The following LYST variants were observed in gnomAD, a reference collection of about 807,000 sequenced individuals.
The protein encoded by LYST is lysosomal trafficking regulator.
In LYST, 192 loss-of-function variants were observed where a neutral mutation model predicts 413.6. The ratio of observed to expected loss-of-function variants is 0.46; its 90% CI spans 0.41 to 0.52. LYST has a LOEUF of 0.52. Among genes scored for constraint, LYST ranks in the 20% least tolerant of loss-of-function variants. The pLI is 0.00. For synonymous variants in LYST, 1,525 were observed against 1,567.3 expected (o/e 0.97, Z 0.64); for missense variants, 3,815 against 4,499.9 (o/e 0.85, Z 4.35).
chr1:235,796,082 C>G (rs1671531839), intron 10 of LYST, among the ~76,000 whole-genome samples: 1 of 151,778 alleles, frequency 6.6e-6, no homozygotes, highest in Non-Finnish European at 1.5e-5. Context: ...GTCAATATGA[C>G]AGGAAAGATA....
At chr1:235,846,002 A>C (rs1196374771) in intron 1 of LYST, among the ~76,000 whole-genome samples, 1 of 152,056 alleles carries the variant, frequency 6.6e-6, no homozygotes, top group African/African-American at 2.4e-5. Flanking sequence ...TGCTTTCTGG[A>C]AAGCGCCACC....
intron 23 of LYST, among the ~76,000 whole-genome samples, chr1:235,758,215 G>A (rs6681592): frequency 0.043 from 6,542 of 152,284 alleles, 490 homozygotes; most frequent in African/African-American, 0.15. Flanking sequence ...GAAAATATAA[G>A]GGGGATATCT....
intron 3 of LYST, chr1:235,827,714 T>C: frequency 1.0e-6 from 1 of 980,372 alleles, no homozygotes; most frequent in African/African-American, 1.7e-5. Flanking sequence ...TTCCAAAAAG[T>C]GACTAGGTGG....
intron 31 of LYST, chr1:235,736,800 T>A (rs1282442427): frequency 6.6e-6 from 1 of 151,988 alleles, no homozygotes. Flanking sequence ...ACAGAATATT[T>A]ACATGTGTAA....
chr1:235,727,843 T>C (rs1030745361), intron 38 of LYST, among the ~76,000 whole-genome samples: 1 of 152,164 alleles, frequency 6.6e-6, no homozygotes, highest in Non-Finnish European at 1.5e-5. Flanking sequence ...TAGGAGCATT[T>C]AGAATATGAC....
intron 16 of LYST, among the ~76,000 whole-genome samples, chr1:235,779,113 C>T (rs1356853647): frequency 7.9e-5 from 12 of 152,058 alleles, no homozygotes; most frequent in East Asian, 3.9e-4. Flanking sequence ...GTGATCCACC[C>T]GCCTCGGCCT....
intron 47 of LYST, among the ~76,000 whole-genome samples, chr1:235,691,917 C>T (rs375640588): frequency 6.7e-6 from 1 of 150,016 alleles, no homozygotes; most frequent in African/African-American, 2.4e-5. Flanking sequence ...AGGCTGGTCT[C>T]GAACTCCTGA....
upstream of LYST, among the ~76,000 whole-genome samples, chr1:235,867,722 A>G (rs1680710581): frequency 6.6e-6 from 1 of 152,182 alleles, no homozygotes; most frequent in Admixed American, 6.6e-5. Flanking sequence ...TGGCATTTCA[A>G]GGGCCACCCT....
chr1:235,786,237 G>A (rs1670396604), intron 14 of LYST, among the ~76,000 whole-genome samples: 1 of 152,076 alleles, frequency 6.6e-6, no homozygotes, highest in Non-Finnish European at 1.5e-5. Flanking sequence ...TTCGACAGGA[G>A]GCTTATTTTG....
At chr1:235,791,256 T>A (rs1670954934) in intron 12 of LYST, among the ~76,000 whole-genome samples, 1 of 151,736 alleles carries the variant, frequency 6.6e-6, no homozygotes, top group African/African-American at 2.4e-5. Context: ...CACTCTAGCC[T>A]GGGCAACAAG....
chr1:235,764,373 T>A (rs1441579892), intron 21 of LYST, among the ~76,000 whole-genome samples: 1 of 152,206 alleles, frequency 6.6e-6, no homozygotes, highest in African/African-American at 2.4e-5. Context: ...TCAGAATCTT[T>A]ATCCACAGTC....
intron 1 of LYST, among the ~76,000 whole-genome samples, chr1:235,873,165 G>A (rs758803891): frequency 6.6e-6 from 1 of 152,142 alleles, no homozygotes; most frequent in Non-Finnish European, 1.5e-5. Flanking sequence ...GGGGTATTGT[G>A]TTGAGTCCTG....
intron 8 of LYST, among the ~76,000 whole-genome samples, chr1:235,802,193 CAAAAAAAAAA>C (rs35511208): frequency 1.1e-4 from 5 of 45,072 alleles, no homozygotes; most frequent in East Asian, 8.2e-4. Flanking sequence ...GACTCCATTT[CAAAAAAAAAA>C]AAAAAAAAAA....
chr1:235,820,396 G>T (rs1234756860), intron 3 of LYST, among the ~76,000 whole-genome samples: 1 of 151,536 alleles, frequency 6.6e-6, no homozygotes, highest in Non-Finnish European at 1.5e-5. Flanking sequence ...TTGAGACAGG[G>T]TTTCACTCTG....
intron 44 of LYST, among the ~76,000 whole-genome samples, chr1:235,704,717 T>C (rs1015252054): frequency 1.4e-5 from 2 of 144,564 alleles, no homozygotes; most frequent in Non-Finnish European, 3.2e-5. Flanking sequence ...GTTTACTCTA[T>C]TGATAGTTTT....
chr1:235,693,605 G>T, intron 46 of LYST, 119 bp from the exon 47 acceptor site: 1 of 1,045,480 alleles, frequency 9.6e-7, no homozygotes, highest in South Asian at 1.3e-5. Flanking sequence ...TTTGGTGCAA[G>T]ACCATCTTTA....
At chr1:235,787,053 TA>T (rs1174621980) in intron 14 of LYST, 146 bp downstream of exon 14, 2 of 632,316 alleles carry the variant, frequency 3.2e-6, no homozygotes, top group South Asian at 2.0e-5. Context: ...ACAATAATAA[TA>T]AAAAAAGAAA....
Position 235,677,195 on chromosome 1 carries a change from G to GA in LYST, c.10941-8dup, listed in dbSNP as rs913151523. The stretch of plus-strand genomic sequence containing the variant: ...ACTTTGTACATAGCATAACCTGAAA[G>GA]AAAAAAGACATGAATTTGTATATGA... On this transcript the variant is annotated splice_region_variant and splice_polypyrimidine_tract_variant and intron_variant, in intron 49 of 52. Coordinates refer to ENST00000389793, the MANE Select transcript of LYST (RefSeq NM_000081.4). The GA allele has an allele frequency of 1.3e-6, 2 of 1,587,720 alleles. No individual in the cohort carries two copies. The highest frequency in any genetic ancestry group is 1.7e-4 in the Middle Eastern group (1 of 6,022).
intron 3 of LYST, among the ~76,000 whole-genome samples, chr1:235,823,708 C>A (rs550492257): frequency 6.6e-6 from 1 of 152,294 alleles, no homozygotes; most frequent in South Asian, 2.1e-4. Context: ...TTCTCTAGCC[C>A]CCGTGTTTTT....
Sources: gnomAD v4.1 joint callset for allele counts (sites outside exome capture counted in the v4.1 genomes callset) on GRCh38, gnomAD v4.1.1 for gene constraint, MANE v1.5 for transcripts, NCBI Gene and HGNC (gene_info 2026-07-23, HGNC 2026-07-21) for gene names.